LARGE1: variants seen among roughly 807,000 people sequenced by gnomAD.
LARGE1 encodes LARGE xylosyl- and glucuronyltransferase 1.
In LARGE1, 43 loss-of-function variants were observed where a neutral mutation model predicts 87.6. The observed-to-expected ratio is 0.49, with a 90% confidence interval of 0.38 to 0.63. LARGE1 has a LOEUF of 0.63. Ranked by LOEUF, LARGE1 falls within the 30% of genes least tolerant of loss-of-function variation. The pLI, the probability that LARGE1 is intolerant of heterozygous loss-of-function variation, is 0.00. For synonymous variants in LARGE1, 434 were observed against 394.6 expected, an observed-to-expected ratio of 1.10 and a Z score of -1.18; for missense variants, 802 against 1,000.2, an observed-to-expected ratio of 0.80 and a Z score of 2.67.
At chr22:33,475,313 A>C (rs2069025346) in intron 6 of LARGE1, among the ~76,000 whole-genome samples, 1 of 152,154 alleles carries the variant, frequency 6.6e-6, no homozygotes, top group Admixed American at 6.5e-5. Context: ...GATGATAATA[A>C]TAGGATTTAT....
chr22:33,651,570 T>C (rs2080820174), intron 2 of LARGE1, among the ~76,000 whole-genome samples: 1 of 152,164 alleles, frequency 6.6e-6, no homozygotes, highest in African/African-American at 2.4e-5. Context: ...AATTTGTATG[T>C]AGCGCTATGA....
At chr22:33,880,601 G>A (rs543295945) in intron 1 of LARGE1, among the ~76,000 whole-genome samples, 1 of 152,220 alleles carries the variant, frequency 6.6e-6, no homozygotes, top group African/African-American at 2.4e-5. Flanking sequence ...CTACGTTCTG[G>A]TCATTTCAGT....
chr22:33,846,552 C>T (rs1402713376), intron 1 of LARGE1, among the ~76,000 whole-genome samples: 2 of 152,176 alleles, frequency 1.3e-5, no homozygotes, highest in African/African-American at 4.8e-5. Flanking sequence ...AGAGAGATAA[C>T]CTTAAACTCT....
intron 1 of LARGE1, among the ~76,000 whole-genome samples, chr22:33,779,629 A>G (rs983363963): frequency 2.6e-5 from 4 of 151,920 alleles, no homozygotes; most frequent in Admixed American, 2.0e-4. Context: ...AAAATACAAA[A>G]ATTGCCAGAT....
chr22:33,069,527 A>G, the LARGE1 span, among the ~76,000 whole-genome samples: 13 of 152,256 alleles, frequency 8.5e-5, no homozygotes, highest in South Asian at 4.2e-4. Context: ...ATCACTGCCA[A>G]GTTACTTACA....
intron 5 of LARGE1, among the ~76,000 whole-genome samples, chr22:33,598,416 T>G (rs1260327938): frequency 6.6e-6 from 1 of 152,206 alleles, no homozygotes; most frequent in African/African-American, 2.4e-5. Context: ...GATACATGTG[T>G]AGACCATACA....
chr22:33,167,601 G>A (rs552364402), intron 11 of LARGE1, among the ~76,000 whole-genome samples: 1 of 152,024 alleles, frequency 6.6e-6, no homozygotes, highest in Non-Finnish European at 1.5e-5. Flanking sequence ...TTAATAATTC[G>A]AGATTCAAAG....
chr22:33,304,403 C>T lies in LARGE1; in HGVS notation c.1556G>A (p.Gly519Asp), dbSNP rs751179052. ...GTGGCGGCTCATAAGCACCTCAGAG[C>T]CCTGTGCGTAGCGGAGGAACTGCTG... ...EAQQFLRYAQ[G>D]SEVLMSRHNV... Residue 519 changes from glycine to aspartate, a missense_variant, in exon 12 of 15, where the codon GGC (glycine) becomes GAC (aspartate). By Grantham distance (94) the Gly-to-Asp change is moderately conservative (BLOSUM62 -1). This residue lies in a region of LARGE1 where 625 missense variants were observed against 841.9 expected (regional missense o/e 0.74). Coordinates refer to ENST00000397394, the MANE Select transcript of LARGE1 (RefSeq NM_133642.5). The T allele has an allele frequency of 6.2e-7, 1 of 1,614,266 alleles. No homozygotes were observed. Among genetic ancestry groups the T allele is most frequent in the East Asian group, 2.2e-5 (1 of 44,890 alleles).
At chr22:33,307,293 T>A (rs1310985985) in intron 11 of LARGE1, among the ~76,000 whole-genome samples, 1 of 152,176 alleles carries the variant, frequency 6.6e-6, no homozygotes, top group Non-Finnish European at 1.5e-5. Context: ...AATAACTTCT[T>A]TCAAGTCACG....
At chr22:33,212,156 A>T (rs1924995931) in intron 11 of LARGE1, among the ~76,000 whole-genome samples, 1 of 134,768 alleles carries the variant, frequency 7.4e-6, no homozygotes. Flanking sequence ...TTTCAAGGTT[A>T]AAAAAAAAAA....
At chr22:33,371,336 G>A (rs1397159631) in intron 9 of LARGE1, among the ~76,000 whole-genome samples, 1 of 152,040 alleles carries the variant, frequency 6.6e-6, no homozygotes, top group Non-Finnish European at 1.5e-5. Context: ...AAATATCTTC[G>A]AAACTGGCAG....
At chr22:33,771,857 CCTCA>C (rs2085076903) in intron 1 of LARGE1, among the ~76,000 whole-genome samples, 1 of 152,228 alleles carries the variant, frequency 6.6e-6, no homozygotes, top group South Asian at 2.1e-4. Flanking sequence ...ATTCTCAGTT[CCTCA>C]CTCAAACAGC....
chr22:33,309,473 C>A lies in LARGE1; in HGVS notation c.1452-4966G>T, dbSNP rs558678954. ...TGAGCCACCACACCTAGCCTTCATGCCCTTTTAAGAGGCCCAGGGAGCTAG... is the reference window on the plus strand; with the variant it reads ...TGAGCCACCACACCTAGCCTTCATGACCTTTTAAGAGGCCCAGGGAGCTAG... On this transcript the variant is annotated intron_variant, in intron 11 of 14. Coordinates refer to ENST00000397394, the MANE Select transcript of LARGE1 (RefSeq NM_133642.5). Among the ~76,000 whole-genome samples the A allele has an allele frequency of 2.6e-4, 39 of 152,198 alleles. No homozygotes were observed. The South Asian group carries it at 7.7e-3, about 30-fold the overall frequency.
chr22:33,157,758 G>A (rs1011466986), downstream of LARGE1, among the ~76,000 whole-genome samples: 3 of 152,098 alleles, frequency 2.0e-5, no homozygotes, highest in Non-Finnish European at 2.9e-5. Context: ...ATTTTACAAA[G>A]AGAAAATCTG....
chr22:33,323,083 T>C (rs1936910843), intron 10 of LARGE1, among the ~76,000 whole-genome samples: 4 of 152,124 alleles, frequency 2.6e-5, no homozygotes, highest in South Asian at 4.2e-4. Flanking sequence ...GATCACGCCA[T>C]TGCACTCCAG....
chr22:33,189,262 G>A (rs1923651257), intron 11 of LARGE1, among the ~76,000 whole-genome samples: 1 of 152,174 alleles, frequency 6.6e-6, no homozygotes, highest in Non-Finnish European at 1.5e-5. Context: ...ATACAATGCT[G>A]GCTTTGTCGT....
At chr22:33,519,109 TA>T (rs201866469) in intron 6 of LARGE1, among the ~76,000 whole-genome samples, 1 of 151,558 alleles carries the variant, frequency 6.6e-6, no homozygotes, top group Non-Finnish European at 1.5e-5. Flanking sequence ...TTCTGCAGAT[TA>T]AAAAAAAATC....
At chr22:33,763,275 C>T (rs2084793872) in intron 1 of LARGE1, among the ~76,000 whole-genome samples, 1 of 152,168 alleles carries the variant, frequency 6.6e-6, no homozygotes, top group Admixed American at 6.5e-5. Context: ...TAATAAACAC[C>T]TAATGGAGCC....
At chr22:33,494,087 G>A (rs1397824533) in intron 6 of LARGE1, among the ~76,000 whole-genome samples, 1 of 152,230 alleles carries the variant, frequency 6.6e-6, no homozygotes, top group Non-Finnish European at 1.5e-5. Context: ...AAGCTCTTCA[G>A]CACAGATGCC....
Sources: gnomAD v4.1 joint callset for allele counts (sites outside exome capture counted in the v4.1 genomes callset) on GRCh38, gnomAD v4.1.1 for gene constraint, gnomAD v4.1.1 regional missense constraint, MANE v1.5 for transcripts, NCBI Gene and HGNC (gene_info 2026-07-23, HGNC 2026-07-21) for gene names.